COL4A3: variants seen among roughly 807,000 people sequenced by gnomAD.
COL4A3 encodes the protein collagen alpha-3(IV) chain.
Under a neutral mutation model 217.4 loss-of-function variants are expected in COL4A3, and 135 were observed. That is an observed-to-expected ratio of 0.62 (90% CI 0.54 to 0.72). The LOEUF is 0.72. COL4A3 is among the 30% of genes least tolerant of loss of function. The pLI is 0.00. For missense variants in COL4A3, 1,868 were observed against 2,119.9 expected, an observed-to-expected ratio of 0.88 and a Z score of 2.33; for synonymous variants, 690 against 736.3, an observed-to-expected ratio of 0.94 and a Z score of 1.02.
intron 1 of COL4A3, among the ~76,000 whole-genome samples, chr2:227,182,361 C>T (rs2065889787): frequency 6.6e-6 from 1 of 152,162 alleles, no homozygotes; most frequent in African/African-American, 2.4e-5. Flanking sequence ...ATAAAACATG[C>T]ACATTGGCTC....
chr2:227,245,128 T>G (rs890208709), intron 5 of COL4A3, 133 bp downstream of exon 5: 1 of 808,382 alleles, frequency 1.2e-6, no homozygotes, highest in Non-Finnish European at 2.1e-6. Context: ...CTTAGGATGG[T>G]ATATTATACT....
intron 1 of COL4A3, among the ~76,000 whole-genome samples, chr2:227,169,073 A>T (rs1294319817): frequency 1.6e-5 from 2 of 122,228 alleles, no homozygotes; most frequent in African/African-American, 6.4e-5. Flanking sequence ...CCAGAGTGTG[A>T]TGTTCCCCTT....
intron 1 of COL4A3, among the ~76,000 whole-genome samples, chr2:227,168,870 CCTT>C (rs1195386756): frequency 6.9e-6 from 1 of 145,706 alleles, no homozygotes; most frequent in African/African-American, 2.8e-5. Context: ...TATATTCTTT[CCTT>C]CTTTTTTTTC....
At position 227,279,887 on chromosome 2, in the gene COL4A3, C is replaced by G; in HGVS notation, c.2220C>G (p.Ala740=). 6.2e-7 allele frequency: 1 copy of G among 1,600,562 alleles called. No homozygotes were observed. The highest frequency in any genetic ancestry group is 8.5e-7 in the Non-Finnish European group (1 of 1,172,852). The change falls in exon 29 of 52, where the codon GCC becomes GCG. Residue 740 remains alanine (A), a synonymous_variant. Transcript: ENST00000396578. Reference sequence around the variant, plus strand: ...CTGGAAAGCCAGGCCTCCCAGGAGCCAAGGTATGCAAAAATTCAAGCTATC... The same window carrying G: ...CTGGAAAGCCAGGCCTCCCAGGAGCGAAGGTATGCAAAAATTCAAGCTATC... The part of the protein sequence containing the change: ...GLPGKPGLPG[A]KGEPAVAMPG...
chr2:227,179,292 G>T (rs1340694818), intron 1 of COL4A3, among the ~76,000 whole-genome samples: 5 of 152,146 alleles, frequency 3.3e-5, no homozygotes, highest in Non-Finnish European at 7.4e-5. Flanking sequence ...AATTAAAAAT[G>T]AGTGTCAGAT....
chr2:227,224,279 G>A (rs2067969669), intron 1 of COL4A3, among the ~76,000 whole-genome samples: 1 of 152,132 alleles, frequency 6.6e-6, no homozygotes, highest in African/African-American at 2.4e-5. Flanking sequence ...GTGACCTCTG[G>A]GGTTTCCCTG....
intron 37 of COL4A3, among the ~76,000 whole-genome samples, chr2:227,292,246 A>G (rs2072787477): frequency 6.6e-6 from 1 of 152,176 alleles, no homozygotes. Flanking sequence ...CTAAAACAAG[A>G]AAAAAATTTA....
intron 1 of COL4A3, among the ~76,000 whole-genome samples, chr2:227,186,392 C>T (rs998967553): frequency 6.6e-6 from 1 of 152,194 alleles, no homozygotes; most frequent in South Asian, 2.1e-4. Flanking sequence ...GGAGACTCTG[C>T]TGTCACCCTT....
chr2:227,294,164 TCTTA>T lies in COL4A3; in HGVS notation c.3338-321_3338-318del, dbSNP rs150581004. ...GAAACTATCGGGTTGCAGATTCAGG[TCTTA>T]CTTAAATACAATAAACTACCTGTTC... On this transcript the variant is annotated intron_variant, in intron 38 of 51. Coordinates refer to ENST00000396578, the MANE Select transcript of COL4A3 (RefSeq NM_000091.5). 808 of 330,308 alleles carry T rather than the reference TCTTA, an allele frequency of 2.4e-3. 4 individuals are homozygous for T. The highest frequency in any genetic ancestry group is 0.017 in the African/African-American group (774 of 46,870). The allele number at this position is 330,308 out of a possible 1,614,324, so 20.5% of individuals were successfully genotyped here.
chr2:227,298,059 C>T (rs1032873274), intron 42 of COL4A3, among the ~76,000 whole-genome samples, 200 bp downstream of exon 42: 14 of 152,242 alleles, frequency 9.2e-5, no homozygotes, highest in African/African-American at 2.9e-4. Context: ...AATAAATTAA[C>T]GAGCCTGGCT....
chr2:227,281,040 G>A lies in COL4A3; in HGVS notation c.2488+34G>A, dbSNP rs917078999. ...AGGGCCTCAAAACTGGCCACCAGAA[G>A]GGCAGGAGACATGAGACTCCTGCTC... On this transcript the variant is annotated intron_variant, in intron 31 of 51. Transcript: ENST00000396578. 5.9e-6 allele frequency: 8 copies of A among 1,367,014 alleles called. No homozygotes were observed. In the East Asian group the frequency reaches 1.7e-4, roughly 30 times the overall value. 84.7% of individuals were successfully genotyped at this position (1,367,014 alleles called of 1,614,324 possible).
At chr2:227,236,605 T>C (rs2068713780) in intron 1 of COL4A3, among the ~76,000 whole-genome samples, 1 of 151,960 alleles carries the variant, frequency 6.6e-6, no homozygotes, top group African/African-American at 2.4e-5. Flanking sequence ...GAAGAAAAAA[T>C]AATAAAGCAA....
At chr2:227,266,849 A>T in intron 22 of COL4A3, 144 bp from the exon 23 acceptor site, 2 of 686,658 alleles carry the variant, frequency 2.9e-6, no homozygotes, top group South Asian at 1.7e-5. Flanking sequence ...ATGAATTTTT[A>T]AATTAATATG....
chr2:227,237,370 A>G (rs1428063605), intron 1 of COL4A3, among the ~76,000 whole-genome samples: 1 of 152,216 alleles, frequency 6.6e-6, no homozygotes, highest in Non-Finnish European at 1.5e-5. Flanking sequence ...ACAAATATAT[A>G]TAAGGTTGGT....
At chr2:227,232,559 GC>G (rs1459313183) in intron 1 of COL4A3, among the ~76,000 whole-genome samples, 2 of 151,750 alleles carry the variant, frequency 1.3e-5, no homozygotes, top group African/African-American at 2.4e-5. Context: ...TTGGATATAA[GC>G]CATTTTAACT....
At chr2:227,306,346 G>A (rs901515963) in intron 47 of COL4A3, among the ~76,000 whole-genome samples, 2 of 152,156 alleles carry the variant, frequency 1.3e-5, no homozygotes, top group African/African-American at 4.8e-5. Context: ...ATACAGAAAT[G>A]CATTGGATAT....
intron 47 of COL4A3, among the ~76,000 whole-genome samples, chr2:227,306,897 CAGAAA>C (rs2073527283): frequency 6.6e-6 from 1 of 151,932 alleles, no homozygotes. Context: ...ACAGTGGCAG[CAGAAA>C]TGGATGGGAG....
At chr2:227,218,365 C>G (rs1447272178) in intron 1 of COL4A3, among the ~76,000 whole-genome samples, 9 of 151,948 alleles carry the variant, frequency 5.9e-5, no homozygotes, top group Admixed American at 5.3e-4. Context: ...ATTCGGGTGG[C>G]TGAGGCAGGA....
intron 1 of COL4A3, among the ~76,000 whole-genome samples, chr2:227,190,774 G>A (rs936419817): frequency 4.6e-5 from 7 of 152,122 alleles, no homozygotes; most frequent in African/African-American, 1.4e-4. Context: ...AGGCCTGGTG[G>A]CACACACCTG....
Sources: allele counts gnomAD v4.1 joint callset (sites outside exome capture counted in the v4.1 genomes callset), GRCh38; gene constraint gnomAD v4.1.1; transcripts MANE v1.5; gene names NCBI Gene and HGNC (gene_info 2026-07-23, HGNC 2026-07-21).